Variants in CHSY3 observed in about 807,000 individuals in gnomAD.
CHSY3 encodes N-acetylgalactosaminyl-proteoglycan 3-beta-glucuronosyltransferase 3.
Under a neutral mutation model 67.2 loss-of-function variants are expected in CHSY3, and 35 were observed. That is an observed-to-expected ratio of 0.52 (90% CI 0.40 to 0.69). The LOEUF (loss-of-function observed/expected upper bound fraction) is 0.69, where lower values mean the gene tolerates loss of function less well. CHSY3 is among the 30% of genes least tolerant of loss of function. CHSY3 has a pLI of 0.00. For missense variants in CHSY3, 1,069 were observed against 1,138.5 expected, an observed-to-expected ratio of 0.94 and a Z score of 0.88; for synonymous variants, 474 against 434.7, an observed-to-expected ratio of 1.09 and a Z score of -1.12.
chr5:130,080,319 G>T (rs534516477), intron 2 of CHSY3, among the ~76,000 whole-genome samples: 3 of 152,058 alleles, frequency 2.0e-5, no homozygotes, highest in African/African-American at 7.2e-5. Flanking sequence ...TATTCTGCCC[G>T]TCACTGATAC....
At chr5:130,153,592 T>A (rs1002963970) in intron 2 of CHSY3, among the ~76,000 whole-genome samples, 1 of 152,168 alleles carries the variant, frequency 6.6e-6, no homozygotes, top group African/African-American at 2.4e-5. Flanking sequence ...TTACAGCTCC[T>A]TGAAGGCAGG....
chr5:130,058,808 G>A (rs535528374), intron 2 of CHSY3, among the ~76,000 whole-genome samples: 1 of 152,314 alleles, frequency 6.6e-6, no homozygotes, highest in East Asian at 1.9e-4. Context: ...CAAGGTGTCA[G>A]CAGGGCTGTA....
chr5:130,009,458 C>G (rs554952682), intron 2 of CHSY3, among the ~76,000 whole-genome samples: 1 of 151,596 alleles, frequency 6.6e-6, no homozygotes, highest in South Asian at 2.1e-4. Flanking sequence ...TGAAGAGGTC[C>G]TTAAAGGAGT....
At chr5:130,112,384 C>G (rs1025772365) in intron 2 of CHSY3, among the ~76,000 whole-genome samples, 4 of 152,008 alleles carry the variant, frequency 2.6e-5, no homozygotes, top group African/African-American at 9.7e-5. Context: ...AATGCAAATT[C>G]TCAGACCGGA....
intron 2 of CHSY3, among the ~76,000 whole-genome samples, chr5:130,035,130 A>G (rs1764828660): frequency 6.6e-6 from 1 of 152,138 alleles, no homozygotes; most frequent in Non-Finnish European, 1.5e-5. Context: ...ATTTCAACAT[A>G]CATTAGGAAT....
intron 2 of CHSY3, among the ~76,000 whole-genome samples, chr5:129,963,842 G>GCACA (rs1467987045): frequency 2.0e-5 from 3 of 151,718 alleles, no homozygotes; most frequent in Non-Finnish European, 4.4e-5. Context: ...ATGTGTGTGG[G>GCACA]CATGTGTGTG....
chr5:130,091,902 G>A (rs1197799677), intron 2 of CHSY3, among the ~76,000 whole-genome samples: 1 of 152,104 alleles, frequency 6.6e-6, no homozygotes, highest in Non-Finnish European at 1.5e-5. Context: ...TTCCATTAAT[G>A]GTGAAGATCC....
At chr5:129,971,175 G>T (rs1762631083) in intron 2 of CHSY3, among the ~76,000 whole-genome samples, 1 of 151,752 alleles carries the variant, frequency 6.6e-6, no homozygotes, top group Non-Finnish European at 1.5e-5. Context: ...TAATAAGATG[G>T]AAGTAACTCT....
intron 2 of CHSY3, among the ~76,000 whole-genome samples, chr5:130,097,323 C>T (rs1428103839): frequency 6.6e-6 from 1 of 152,206 alleles, no homozygotes; most frequent in East Asian, 1.9e-4. Flanking sequence ...TGTGGACAGA[C>T]AAAACTTGAA....
chr5:130,147,711 T>G (rs1322616034), intron 2 of CHSY3, among the ~76,000 whole-genome samples: 2 of 152,098 alleles, frequency 1.3e-5, no homozygotes, highest in Non-Finnish European at 2.9e-5. Context: ...AATCTGGCAG[T>G]AGGCAAAGTG....
chr5:130,141,674 C>T (rs1561556057), intron 2 of CHSY3: 1 of 529,170 alleles, frequency 1.9e-6, no homozygotes, highest in Non-Finnish European at 3.7e-6. Context: ...ATGAAAGCAG[C>T]TGTTGAAGAT....
intron 1 of CHSY3, 33 bp downstream of exon 1, chr5:129,905,664 A>G (rs778809686): frequency 5.6e-6 from 9 of 1,604,120 alleles, no homozygotes; most frequent in South Asian, 1.1e-5. Flanking sequence ...CCAGCCTGCC[A>G]GTCTCCCCGA....
At chr5:129,918,964 G>T (rs1452800154) in intron 2 of CHSY3, among the ~76,000 whole-genome samples, 3 of 148,376 alleles carry the variant, frequency 2.0e-5, no homozygotes, top group Non-Finnish European at 3.0e-5. Context: ...AAAATTAGCC[G>T]GGCGCGGTGG....
chr5:130,002,594 T>G (rs1447247285), intron 2 of CHSY3, among the ~76,000 whole-genome samples: 1 of 152,064 alleles, frequency 6.6e-6, no homozygotes, highest in Non-Finnish European at 1.5e-5. Flanking sequence ...ATGCTAGTGC[T>G]ACAATGTAGG....
intron 2 of CHSY3, among the ~76,000 whole-genome samples, chr5:130,176,993 G>T (rs1489596535): frequency 6.6e-6 from 1 of 151,876 alleles, no homozygotes; most frequent in South Asian, 2.1e-4. Flanking sequence ...AAAACAGATT[G>T]AATTTAAATA....
chr5:130,026,507 G>A (rs1291738986), intron 2 of CHSY3, among the ~76,000 whole-genome samples: 2 of 151,924 alleles, frequency 1.3e-5, no homozygotes, highest in Non-Finnish European at 2.9e-5. Context: ...CTCTCAGGTG[G>A]GATCTATAAA....
At chr5:130,006,944 C>A (rs1763894821) in intron 2 of CHSY3, among the ~76,000 whole-genome samples, 1 of 152,152 alleles carries the variant, frequency 6.6e-6, no homozygotes, top group Non-Finnish European at 1.5e-5. Context: ...GCCACACTAC[C>A]TCGGAATCTT....
At chr5:129,912,951 A>C (rs993620127) in intron 2 of CHSY3, among the ~76,000 whole-genome samples, 3 of 152,204 alleles carry the variant, frequency 2.0e-5, no homozygotes, top group Non-Finnish European at 4.4e-5. Context: ...AAAGATTACT[A>C]ACTGAATGAA....
intron 2 of CHSY3, among the ~76,000 whole-genome samples, chr5:130,164,946 C>G (rs918060532): frequency 6.6e-6 from 1 of 151,788 alleles, no homozygotes; most frequent in Non-Finnish European, 1.5e-5. Flanking sequence ...TGGGAGAACA[C>G]CCTAAGTAGA....
Sources: allele counts gnomAD v4.1 joint callset (sites outside exome capture counted in the v4.1 genomes callset), GRCh38; gene constraint gnomAD v4.1.1; transcripts MANE v1.5; gene names NCBI Gene and HGNC (gene_info 2026-07-23, HGNC 2026-07-21).